CPNE9: variants seen among roughly 807,000 people sequenced by gnomAD.
CPNE9 encodes copine family member 9.
Under a neutral mutation model 83.0 loss-of-function variants are expected in CPNE9, and 59 were observed. The observed-to-expected ratio is 0.71, with a 90% CI of 0.58 to 0.88. The LOEUF (loss-of-function observed/expected upper bound fraction) is 0.88. CPNE9 is among the 40% of genes least tolerant of loss of function. The pLI, the probability that CPNE9 is intolerant of heterozygous loss-of-function variation, is 0.00. For synonymous variants in CPNE9, 256 were observed against 273.4 expected (o/e 0.94, Z 0.63); for missense variants, 619 against 720.8 (o/e 0.86, Z 1.62).
chr3:9,717,159 C>CA (rs1170761042), intron 15 of CPNE9, 55 bp downstream of exon 15: 2 of 1,586,602 alleles, frequency 1.3e-6, no homozygotes, highest in Admixed American at 1.7e-5. Flanking sequence ...CTAAGGGAGT[C>CA]ATTAGGAGTT....
rs1390525229 is a variant in CPNE9 at position 9,704,768 on chromosome 3, G to C, written c.129G>C (p.Gln43His). The change falls in exon 3 of 21, where the codon CAG becomes CAC. Residue 43 changes from glutamine to histidine, a missense_variant. By Grantham distance (24) the Gln-to-His change is conservative (BLOSUM62 0). Transcript: ENST00000383832. This position sits in a 1 kb window ranked among gnomAD's most constrained non-coding sequence, Gnocchi z 7.1. Reference protein sequence around the residue: ...KSDPMVVLYTQSRASQEWREF... With the variant: ...KSDPMVVLYTHSRASQEWREF... ...CTGCAGTGGTGGTGCTTTACACGCA[G>C]AGCCGGGCCAGCCAGGAGTGGCGGG... is the stretch of plus-strand genomic sequence containing the variant. The C allele has an allele frequency of 1.2e-6, 2 of 1,612,014 alleles. No homozygotes were observed. The highest frequency in any genetic ancestry group is 1.7e-6 in the Non-Finnish European group (2 of 1,179,484).
In CPNE9 at chr3:9,706,079, AG is replaced by A; in HGVS notation, c.377+20del. ...GAACCCTCACGTAAGCTGAATAGGA[AG>A]GGGTGTGGGAGTGGGGTGGGGGCTT... On this transcript the variant is annotated intron_variant, in intron 7 of 20. Coordinates refer to ENST00000383832, the MANE Select transcript of CPNE9 (RefSeq NM_153635.3). 1.2e-6 allele frequency: 2 copies of A among 1,611,878 alleles called. No individual in the cohort carries two copies. The highest frequency in any genetic ancestry group is 1.7e-6 in the Non-Finnish European group (2 of 1,179,110).
At chr3:9,715,832 C>T (rs2076678193) in intron 13 of CPNE9, 142 bp from the exon 14 acceptor site, 1 of 678,948 alleles carries the variant, frequency 1.5e-6, no homozygotes, top group Non-Finnish European at 2.6e-6. Flanking sequence ...AGAAGTTGAA[C>T]AGGGTGGGAC....
intron 17 of CPNE9, among the ~76,000 whole-genome samples, chr3:9,724,708 C>A (rs550460982): frequency 6.7e-6 from 1 of 150,236 alleles, no homozygotes; most frequent in Non-Finnish European, 1.5e-5. Context: ...CCTGCTGGGT[C>A]ACATCAGGAT....
In CPNE9 at chr3:9,718,157, G is replaced by T; in HGVS notation, c.1060G>T (p.Gly354Cys). 6.2e-7 allele frequency: 1 copy of T among 1,614,092 alleles called. No individual in the cohort carries two copies. Residue 354 changes from glycine to cysteine, a missense_variant, in exon 16 of 21, where the codon GGC becomes TGC. By Grantham distance (159) the Gly-to-Cys change is radical. Transcript: ENST00000383832. ...CAGTGATAAGCTCTTCCCAGCTTAT[G>T]GCTTTGGGGCCAAGCTGCCCCCAGA... ...YDSDKLFPAY[G>C]FGAKLPPEGR...
Position 9,703,993 on chromosome 3 carries a change from A to G in CPNE9, c.-4A>G, listed in dbSNP as rs375334695. 89 of 1,603,302 alleles carry G rather than the reference A, an allele frequency of 5.6e-5. 2 individuals carry two copies. In the African/African-American group the frequency reaches 1.1e-3, roughly 21 times the overall value. On this transcript the variant is annotated 5_prime_UTR_variant, in exon 1 of 21. Coordinates refer to ENST00000383832, the MANE Select transcript of CPNE9 (RefSeq NM_153635.3). ...CTCCTGCGGCTCTGGTCGCCCGACCAGCCATGTCTCTCGGCGGAGCCTCCG... is the reference window on the plus strand; with the variant it reads ...CTCCTGCGGCTCTGGTCGCCCGACCGGCCATGTCTCTCGGCGGAGCCTCCG...
At chr3:9,725,905 C>A in intron 17 of CPNE9, 44 bp from the exon 18 acceptor site, 1 of 1,461,778 alleles carries the variant, frequency 6.8e-7, no homozygotes, top group Non-Finnish European at 9.6e-7. Context: ...GTTCCCTTGG[C>A]CTGTCTGGCT....
intron 10 of CPNE9, among the ~76,000 whole-genome samples, chr3:9,714,677 A>C (rs930850700): frequency 3.3e-5 from 5 of 150,788 alleles, no homozygotes; most frequent in Admixed American, 2.0e-4. Context: ...AACCAACCAA[A>C]CAAACAAAAA....
intron 17 of CPNE9, among the ~76,000 whole-genome samples, chr3:9,719,537 T>TG (rs1278894221): frequency 6.6e-6 from 1 of 152,220 alleles, no homozygotes; most frequent in Non-Finnish European, 1.5e-5. Flanking sequence ...TGTAAGGTGG[T>TG]GTCATAATGG....
chr3:9,728,903 C>G (rs1468203367), intron 20 of CPNE9, among the ~76,000 whole-genome samples: 1 of 152,056 alleles, frequency 6.6e-6, no homozygotes, highest in African/African-American at 2.4e-5. Context: ...CTCTCTGGTC[C>G]CTGCCCCTTG....
chr3:9,714,795 C>T (rs2076664785), intron 10 of CPNE9, 119 bp from the exon 11 acceptor site: 1 of 863,366 alleles, frequency 1.2e-6, no homozygotes, highest in African/African-American at 1.7e-5. Context: ...GAAAGATGAA[C>T]AACTTAATGG....
chr3:9,717,733 A>G (rs1355041017), intron 15 of CPNE9, among the ~76,000 whole-genome samples: 11 of 152,040 alleles, frequency 7.2e-5, no homozygotes. Context: ...TAGCTGCATA[A>G]GAGAATGGAG....
At chr3:9,721,743 A>G (rs1313656925) in intron 17 of CPNE9, among the ~76,000 whole-genome samples, 1 of 152,190 alleles carries the variant, frequency 6.6e-6, no homozygotes, top group Non-Finnish European at 1.5e-5. Context: ...CACTGTGTAC[A>G]GAGGACTATC....
intron 7 of CPNE9, among the ~76,000 whole-genome samples, chr3:9,711,447 C>A (rs1184292920): frequency 2.6e-5 from 4 of 152,028 alleles, no homozygotes; most frequent in Admixed American, 2.6e-4. Flanking sequence ...GAGCTCCCGA[C>A]CTCAGGTGAT....
At position 9,729,582 on chromosome 3, in the gene CPNE9, C is replaced by G; in HGVS notation, c.1552C>G (p.Leu518Val). The G allele has an allele frequency of 6.2e-7, 1 of 1,614,170 alleles. No homozygotes were observed. The highest frequency in any genetic ancestry group is 8.5e-7 in the Non-Finnish European group (1 of 1,180,040). Residue 518 changes from leucine to valine, a missense_variant, in exon 21 of 21, where the codon CTG becomes GTG. Coordinates refer to ENST00000383832, the MANE Select transcript of CPNE9 (RefSeq NM_153635.3). Reference sequence around the variant, plus strand: ...CATGGCCCGACTGGCCAAGGATGTGCTGGCCGAGATCCCGGAGCAGCTGCT... The same window carrying G: ...CATGGCCCGACTGGCCAAGGATGTGGTGGCCGAGATCCCGGAGCAGCTGCT... ...LSMARLAKDV[L>V]AEIPEQLLSY... is the part of the protein sequence containing the mutation.
At chr3:9,721,761 T>G (rs1226299075) in intron 17 of CPNE9, among the ~76,000 whole-genome samples, 1 of 152,076 alleles carries the variant, frequency 6.6e-6, no homozygotes, top group African/African-American at 2.4e-5. Context: ...ATCCAGATAA[T>G]GGACTGGGGA....
In CPNE9 at chr3:9,704,447, C is replaced by A. The variant is rs112890568; in HGVS notation, c.69-140C>A. ...GGTGCTGTCCAGAGTGCTGACAGAGCGGACCCCGGCTGGGGGTAGCCATGG... is the reference window on the plus strand; with the variant it reads ...GGTGCTGTCCAGAGTGCTGACAGAGAGGACCCCGGCTGGGGGTAGCCATGG... On this transcript the variant is annotated intron_variant, in intron 1 of 20. Coordinates refer to ENST00000383832, the MANE Select transcript of CPNE9 (RefSeq NM_153635.3). This position sits in a 1 kb window ranked among gnomAD's most constrained non-coding sequence, Gnocchi z 7.1. 25 of 787,950 alleles carry A rather than the reference C, an allele frequency of 3.2e-5. No homozygotes were observed. In the East Asian group the frequency reaches 3.6e-4, roughly 12 times the overall value. 48.8% of individuals were successfully genotyped at this position (787,950 alleles called of 1,614,324 possible).
intron 17 of CPNE9, among the ~76,000 whole-genome samples, chr3:9,725,657 T>TATAC (rs1340930344): frequency 8.4e-4 from 50 of 59,504 alleles, no homozygotes; most frequent in Middle Eastern, 7.1e-3. Context: ...TATATATGTG[T>TATAC]ATATATGTAT....
At position 9,703,841 on chromosome 3, in the gene CPNE9, G is replaced by A; in HGVS notation, c.-156G>A. 2.3e-6 allele frequency: 1 copy of A among 432,104 alleles called. No individual in the cohort carries two copies. Among genetic ancestry groups the A allele is most frequent in the Non-Finnish European group, 3.8e-6 (1 of 262,226 alleles). 26.8% of individuals were successfully genotyped at this position (432,104 alleles called of 1,614,324 possible). A position where few individuals can be genotyped will look rare whatever the true frequency, so the allele number is the denominator to read the frequency against. ...CGCTGCCGCCGGCGGCCACTGTCAG[G>A]GCGCGAGCGGCTGGAGCGCACGCAG... On this transcript the variant is annotated 5_prime_UTR_variant, in exon 1 of 21. Coordinates refer to ENST00000383832, the MANE Select transcript of CPNE9 (RefSeq NM_153635.3).
Sources: allele counts gnomAD v4.1 joint callset (sites outside exome capture counted in the v4.1 genomes callset), GRCh38; gene constraint gnomAD v4.1.1; non-coding constraint Gnocchi (gnomAD v3.1); transcripts MANE v1.5; gene names NCBI Gene and HGNC (gene_info 2026-07-23, HGNC 2026-07-21).